GREB1L: variants seen among roughly 807,000 people sequenced by gnomAD.
The protein encoded by GREB1L is GREB1-like protein.
GREB1L carries 17 observed loss-of-function variants against 200.8 expected under a neutral mutation model. The observed-to-expected ratio is 0.08, with a 90% CI of 0.06 to 0.13. The LOEUF (loss-of-function observed/expected upper bound fraction) is 0.13, where lower values mean the gene tolerates loss of function less well. Among genes scored for constraint, GREB1L ranks in the 10% least tolerant of loss-of-function variants. The pLI, the probability that GREB1L is intolerant of heterozygous loss-of-function variation, is 1.00. For missense variants in GREB1L, 1,657 were observed against 2,367.7 expected (o/e 0.70, Z 6.23); for synonymous variants, 789 against 893.0 (o/e 0.88, Z 2.08).
At chr18:21,414,934 T>C (rs1333288225) in intron 7 of GREB1L, among the ~76,000 whole-genome samples, 1 of 152,196 alleles carries the variant, frequency 6.6e-6, no homozygotes, top group Admixed American at 6.5e-5. Context: ...CCCTGAGAGA[T>C]GGGAAACAAA....
chr18:21,310,441 G>C (rs1490216647), intron 1 of GREB1L, among the ~76,000 whole-genome samples: 1 of 152,120 alleles, frequency 6.6e-6, no homozygotes, highest in Non-Finnish European at 1.5e-5. Context: ...AGATATAATT[G>C]TTTTATATTT....
intron 32 of GREB1L, among the ~76,000 whole-genome samples, chr18:21,521,426 G>T (rs2037595659): frequency 2.6e-5 from 4 of 151,866 alleles, no homozygotes; most frequent in Admixed American, 2.6e-4. Context: ...AAACATCACA[G>T]ATAATCCTTA....
At chr18:21,481,528 A>G (rs2035924093) in intron 17 of GREB1L, among the ~76,000 whole-genome samples, 1 of 149,814 alleles carries the variant, frequency 6.7e-6, no homozygotes, top group Admixed American at 6.7e-5. Flanking sequence ...TTTCTTGTTT[A>G]TATTAACAAT....
intron 2 of GREB1L, among the ~76,000 whole-genome samples, chr18:21,368,864 AAAAAC>A (rs925821462): frequency 4.1e-4 from 62 of 152,282 alleles, no homozygotes; most frequent in African/African-American, 1.4e-3. Context: ...CACCATTATC[AAAAAC>A]AAAACAAAGC....
intron 2 of GREB1L, among the ~76,000 whole-genome samples, chr18:21,371,539 G>A (rs1235085099): frequency 6.7e-6 from 1 of 150,286 alleles, no homozygotes; most frequent in East Asian, 2.0e-4. Flanking sequence ...TGTAATCCCA[G>A]CACTTTGGGA....
chr18:21,331,367 C>A (rs1465807168), intron 1 of GREB1L, among the ~76,000 whole-genome samples: 2 of 152,134 alleles, frequency 1.3e-5, no homozygotes, highest in Non-Finnish European at 2.9e-5. Flanking sequence ...GAGAGGAAAT[C>A]GGAGAAATCC....
chr18:21,370,713 A>G (rs921529952), intron 2 of GREB1L, among the ~76,000 whole-genome samples: 1 of 152,198 alleles, frequency 6.6e-6, no homozygotes, highest in Non-Finnish European at 1.5e-5. Context: ...GAAATCTTTT[A>G]TCTCTCAATC....
At chr18:21,433,792 A>G (rs1434745176) in intron 7 of GREB1L, among the ~76,000 whole-genome samples, 1 of 152,198 alleles carries the variant, frequency 6.6e-6, no homozygotes, top group Admixed American at 6.5e-5. Flanking sequence ...TCCTTAGAGC[A>G]TGCTCTCAGA....
At chr18:21,429,133 TCCTTCCTTCCTTCCTC>T (rs2032910721) in intron 7 of GREB1L, among the ~76,000 whole-genome samples, 1 of 132,630 alleles carries the variant, frequency 7.5e-6, no homozygotes, top group African/African-American at 3.1e-5. Context: ...CTTCCTTCCT[TCCTTCCTTCCTTCCTC>T]CCTTCCCTCC....
At position 21,495,696 on chromosome 18, in the gene GREB1L, G is replaced by A. The variant is rs1236921151; in HGVS notation, c.3057G>A (p.Glu1019=). 6 of 1,536,970 alleles carry A rather than the reference G, an allele frequency of 3.9e-6. No homozygotes were observed. Among genetic ancestry groups the A allele is most frequent in the Non-Finnish European group, 5.3e-6 (6 of 1,135,088 alleles). The change falls in exon 20 of 33, where the codon GAG becomes GAA. Residue 1019 remains glutamate, a synonymous_variant. Coordinates refer to ENST00000424526, the MANE Select transcript of GREB1L (RefSeq NM_001142966.3). ...GTTGGAGAGGAAATGAACCAGAAGA[G>A]TGGATCCCTCGGACATACCAAGATT... is the stretch of plus-strand genomic sequence containing the variant. The part of the protein sequence containing the change: ...LKSWRGNEPE[E]WIPRTYQDLD...
rs1352494426 is a variant in GREB1L, at chr18:21,525,226, A to G, written c.*2405A>G. ...ATTTTTTTTGGCTGTAATTTATGCA[A>G]TTGCTTTTTGTGATTTTTAGAAAAT... On this transcript the variant is annotated 3_prime_UTR_variant, in exon 33 of 33. Coordinates refer to ENST00000424526, the MANE Select transcript of GREB1L (RefSeq NM_001142966.3). The G allele has an allele frequency of 6.6e-6, 1 of 152,092 alleles. No individual in the cohort carries two copies. The highest frequency in any genetic ancestry group is 1.9e-4 in the East Asian group (1 of 5,196). The allele number at this position is 152,092 out of a possible 1,614,324, so 9.4% of individuals were successfully genotyped here. A position where few individuals can be genotyped will look rare whatever the true frequency, so the allele number is the denominator to read the frequency against.
intron 7 of GREB1L, among the ~76,000 whole-genome samples, chr18:21,406,152 C>T (rs186884131): frequency 2.6e-5 from 4 of 151,016 alleles, no homozygotes; most frequent in Admixed American, 2.0e-4. Context: ...AAAATAATGA[C>T]GATATTAAAA....
At chr18:21,313,569 C>G (rs1378799637) in intron 1 of GREB1L, among the ~76,000 whole-genome samples, 1 of 152,162 alleles carries the variant, frequency 6.6e-6, no homozygotes, top group Non-Finnish European at 1.5e-5. Flanking sequence ...AGAATCTTCT[C>G]TTTCACCCCA....
At chr18:21,378,816 C>T (rs2040183294) in intron 2 of GREB1L, among the ~76,000 whole-genome samples, 1 of 151,940 alleles carries the variant, frequency 6.6e-6, no homozygotes, top group Admixed American at 6.6e-5. Flanking sequence ...TTGTAGGATT[C>T]TGTATGTCTT....
intron 13 of GREB1L, 168 bp downstream of exon 13, chr18:21,451,319 AG>A (rs2034507704): frequency 1.4e-6 from 1 of 691,230 alleles, no homozygotes; most frequent in East Asian, 3.0e-5. Context: ...GGAAGCAGTA[AG>A]GGGGTCTAGA....
chr18:21,281,610 A>G (rs919866548), intron 1 of GREB1L, among the ~76,000 whole-genome samples: 6 of 152,268 alleles, frequency 3.9e-5, no homozygotes, highest in Non-Finnish European at 7.3e-5. Context: ...AATATTTGCT[A>G]TAAACAGACC....
chr18:21,248,797 C>G (rs2037649272), intron 1 of GREB1L, among the ~76,000 whole-genome samples: 1 of 152,204 alleles, frequency 6.6e-6, no homozygotes, highest in South Asian at 2.1e-4. Flanking sequence ...GATTCAGTCT[C>G]TCAGTTATAC....
At chr18:21,352,948 G>A (rs745486919) in intron 1 of GREB1L, among the ~76,000 whole-genome samples, 3 of 151,972 alleles carry the variant, frequency 2.0e-5, no homozygotes, top group Admixed American at 6.5e-5. Context: ...TTGGGAGGCC[G>A]AGGTGGGCGG....
At chr18:21,304,497 AT>A (rs1345603091) in intron 1 of GREB1L, among the ~76,000 whole-genome samples, 3 of 151,554 alleles carry the variant, frequency 2.0e-5, no homozygotes, top group Non-Finnish European at 4.4e-5. Flanking sequence ...TGTTTTTACT[AT>A]TTTTCATTTG....
Sources: allele counts gnomAD v4.1 joint callset (sites outside exome capture counted in the v4.1 genomes callset), GRCh38; gene constraint gnomAD v4.1.1; transcripts MANE v1.5; gene names NCBI Gene and HGNC (gene_info 2026-07-23, HGNC 2026-07-21).